Variants in ELMOD3 observed in about 807,000 individuals in gnomAD.
ELMOD3 encodes ELMO domain-containing protein 3.
ELMOD3 carries 36 observed loss-of-function variants against 47.4 expected under a neutral mutation model. The observed-to-expected ratio is 0.76, with a 90% confidence interval of 0.58 to 1.00. The LOEUF is 1.00. Among genes scored for constraint, ELMOD3 ranks in the 50% least tolerant of loss-of-function variants. ELMOD3 has a pLI of 0.00. For missense variants in ELMOD3, 404 were observed against 463.8 expected, an observed-to-expected ratio of 0.87 and a Z score of 1.18; for synonymous variants, 149 against 183.5, an observed-to-expected ratio of 0.81 and a Z score of 1.52.
intron 6 of ELMOD3, among the ~76,000 whole-genome samples, chr2:85,365,297 C>T (rs1460709856): frequency 6.6e-6 from 1 of 151,016 alleles, no homozygotes; most frequent in Non-Finnish European, 1.5e-5. Context: ...TTGTAGTGAA[C>T]CGAGATCGCA....
Position 85,377,460 on chromosome 2 carries a change from C to G in ELMOD3, c.724C>G (p.Arg242Gly), listed in dbSNP as rs747824029. The G allele has an allele frequency of 1.3e-5, 21 of 1,607,754 alleles. No individual in the cohort carries two copies. The highest frequency in any genetic ancestry group is 1.7e-5 in the Non-Finnish European group (20 of 1,176,934). ...GGCGCAGGAGATTTTCCGCCTGTCTCGTCACCACATCCAGGTGAGACTTTG... is the reference window on the plus strand; with the variant it reads ...GGCGCAGGAGATTTTCCGCCTGTCTGGTCACCACATCCAGGTGAGACTTTG... ...PMAQEIFRLS[R>G]HHIQQFPFCL... Residue 242 changes from arginine (R) to glycine (G), a missense_variant, in exon 11 of 14, where the codon CGT becomes GGT. By Grantham distance (125) the Arg-to-Gly change is moderately radical (BLOSUM62 -2). Transcript: ENST00000409013.
intron 11 of ELMOD3, among the ~76,000 whole-genome samples, chr2:85,377,806 C>CCTT (rs1380688942): frequency 9.2e-5 from 14 of 152,176 alleles, no homozygotes; most frequent in Non-Finnish European, 1.8e-4. Flanking sequence ...AGGGTACACT[C>CCTT]ACTAGCAGTT....
In ELMOD3 at chr2:85,381,212, GAC is replaced by G. The variant is rs1230291179; in HGVS notation, c.738+3740_738+3741del. 4.3e-4 allele frequency among the ~76,000 whole-genome samples: 65 copies of G among 152,214 alleles called. 2 individuals carry two copies. The highest frequency in any genetic ancestry group is 1.5e-3 in the African/African-American group (62 of 41,532). On this transcript the variant is annotated intron_variant, in intron 11 of 13. Transcript: ENST00000409013. ...TAAAGGATTTATCAGGTCAGAAAAA[GAC>G]ATAATTTATGATTTGATTTTGGAAA...
chr2:85,356,756 C>T (rs1363733688), intron 3 of ELMOD3: 3 of 153,090 alleles, frequency 2.0e-5, no homozygotes, highest in Admixed American at 1.3e-4. Flanking sequence ...TGGCGCACGC[C>T]TGTAATTCCA....
intron 10 of ELMOD3, 37 bp from the exon 11 acceptor site, chr2:85,377,307 G>C: frequency 6.5e-7 from 1 of 1,536,278 alleles, no homozygotes; most frequent in East Asian, 2.4e-5. Context: ...AGCATTGCTC[G>C]CTGCCACACC....
In ELMOD3 at chr2:85,386,425, T is replaced by G. The variant is rs184915155; in HGVS notation, c.739-3326T>G. 1.1e-3 allele frequency among the ~76,000 whole-genome samples: 161 copies of G among 142,854 alleles called. 1 individual carries two copies. Among genetic ancestry groups the G allele is most frequent in the Admixed American group, 1.4e-3 (19 of 13,792 alleles). 93.7% of individuals were successfully genotyped at this position (142,854 alleles called of 152,430 possible). A position where few individuals can be genotyped will look rare whatever the true frequency, so the allele number is the denominator to read the frequency against. On this transcript the variant is annotated intron_variant, in intron 11 of 13. Transcript: ENST00000409013. ...TTTTTGAGATGGAGTCTCGCTCTGT[T>G]GCCAGGCTAGAATGCATGGCACAAT...
chr2:85,390,160 G>C lies in ELMOD3; in HGVS notation c.838G>C (p.Val280Leu), dbSNP rs1686231810. ...CAGAGAGTGTAATCGGCAGCAGAAG[G>C]TCATCCCCGTGGTGAACAGCTTCTA... ...LSRECNRQQK[V>L]IPVVNSFYAA... The change falls in exon 13 of 14, where the codon GTC becomes CTC. Residue 280 changes from valine (V) to leucine (L), a missense_variant. By Grantham distance (32) the Val-to-Leu change is conservative (BLOSUM62 1). Coordinates refer to ENST00000409013, the MANE Select transcript of ELMOD3 (RefSeq NM_001135022.2). The C allele has an allele frequency of 6.2e-7, 1 of 1,614,068 alleles. No homozygotes were observed. Among genetic ancestry groups the C allele is most frequent in the Non-Finnish European group, 8.5e-7 (1 of 1,180,036 alleles).
chr2:85,368,900 G>A, intron 7 of ELMOD3, 146 bp downstream of exon 7: 1 of 816,840 alleles, frequency 1.2e-6, no homozygotes, highest in East Asian at 2.7e-5. Context: ...ATAGATTACA[G>A]TACCTTTTTC....
intron 4 of ELMOD3, among the ~76,000 whole-genome samples, chr2:85,359,666 G>A (rs1395009910): frequency 6.6e-6 from 1 of 152,026 alleles, no homozygotes; most frequent in Non-Finnish European, 1.5e-5. Flanking sequence ...CAGACCTCAG[G>A]TGATCCACCC....
At chr2:85,374,883 G>C (rs1685062857) in intron 10 of ELMOD3, among the ~76,000 whole-genome samples, 2 of 152,028 alleles carry the variant, frequency 1.3e-5, no homozygotes, top group Admixed American at 1.3e-4. Context: ...GGCCAAGGCG[G>C]GTGGACTACG....
chr2:85,363,644 A>G (rs1004332622), intron 6 of ELMOD3, among the ~76,000 whole-genome samples: 1 of 152,212 alleles, frequency 6.6e-6, no homozygotes, highest in Non-Finnish European at 1.5e-5. Flanking sequence ...CAAGACTGGG[A>G]AGAAAAAGAG....
At position 85,368,750 on chromosome 2, in the gene ELMOD3, G is replaced by A; in HGVS notation, c.264G>A (p.Glu88=). The A allele has an allele frequency of 6.2e-7, 1 of 1,614,160 alleles. No individual in the cohort carries two copies. Among genetic ancestry groups the A allele is most frequent in the Non-Finnish European group, 8.5e-7 (1 of 1,180,034 alleles). ...EWEAVDTIQP[E]TGSQASSEQP... ...AAGCTGTGGACACCATCCAGCCAGA[G>A]ACAGGTAACTGTACGAATGCTGCTG... is the stretch of plus-strand genomic sequence containing the variant. The change falls in exon 7 of 14, where the codon GAG becomes GAA. Residue 88 remains glutamate (E), a synonymous_variant. Coordinates refer to ENST00000409013, the MANE Select transcript of ELMOD3 (RefSeq NM_001135022.2).
intron 11 of ELMOD3, among the ~76,000 whole-genome samples, chr2:85,379,683 G>A (rs1393310679): frequency 1.3e-5 from 2 of 152,126 alleles, no homozygotes; most frequent in Non-Finnish European, 2.9e-5. Context: ...ACAAATCATG[G>A]TAGGACCGAT....
chr2:85,375,952 C>G (rs974580051), intron 10 of ELMOD3, among the ~76,000 whole-genome samples: 2 of 152,188 alleles, frequency 1.3e-5, no homozygotes, highest in Non-Finnish European at 2.9e-5. Context: ...CCTTTCTTTT[C>G]CACTTTTAAG....
At chr2:85,362,613 G>A (rs749987792) in intron 5 of ELMOD3, among the ~76,000 whole-genome samples, 4 of 152,080 alleles carry the variant, frequency 2.6e-5, no homozygotes, top group Admixed American at 6.5e-5. Context: ...AGTTTTCCAG[G>A]TACCTCAATT....
At position 85,369,686 on chromosome 2, in the gene ELMOD3, T is replaced by C. The variant is rs182130373; in HGVS notation, c.269-53T>C. ...CAAGTAGGAGGGCCTCAGTAAATGT[T>C]TGTTGACAGAATGACTCCTATAAAT... On this transcript the variant is annotated intron_variant, in intron 7 of 13. Coordinates refer to ENST00000409013, the MANE Select transcript of ELMOD3 (RefSeq NM_001135022.2). The C allele has an allele frequency of 3.1e-5, 49 of 1,589,550 alleles. No homozygotes were observed. In the East Asian group the frequency reaches 9.7e-4, roughly 32 times the overall value.
intron 3 of ELMOD3, chr2:85,356,160 T>C (rs1406384610): frequency 6.6e-6 from 1 of 152,270 alleles, no homozygotes; most frequent in Non-Finnish European, 1.5e-5. Flanking sequence ...CAATGTCAGA[T>C]GAAAGACTTA....
At chr2:85,388,785 TCATTTAAATAG>T (rs1686113390) in intron 11 of ELMOD3, among the ~76,000 whole-genome samples, 2 of 152,248 alleles carry the variant, frequency 1.3e-5, no homozygotes, top group African/African-American at 4.8e-5. Context: ...CATCTTTAAC[TCATTTAAATAG>T]CTACATGCAG....
At chr2:85,371,318 G>A in intron 9 of ELMOD3, 109 bp downstream of exon 9, 1 of 1,598,670 alleles carries the variant, frequency 6.3e-7, no homozygotes, top group Non-Finnish European at 8.5e-7. Flanking sequence ...ACCATGGTTG[G>A]CGGGTGAGAG....
Sources: allele counts gnomAD v4.1 joint callset (sites outside exome capture counted in the v4.1 genomes callset), GRCh38; gene constraint gnomAD v4.1.1; transcripts MANE v1.5; gene names NCBI Gene and HGNC (gene_info 2026-07-23, HGNC 2026-07-21).